The following BLNK variants were observed in gnomAD, a reference collection of about 807,000 sequenced individuals.
BLNK encodes the protein B-cell linker protein.
Under a neutral mutation model 73.5 loss-of-function variants are expected in BLNK, and 29 were observed. That is an observed-to-expected ratio of 0.39 (90% CI 0.29 to 0.54). The LOEUF (loss-of-function observed/expected upper bound fraction) is 0.54. BLNK is among the 20% of genes least tolerant of loss of function. BLNK has a pLI of 0.61. For synonymous variants in BLNK, 176 were observed against 200.8 expected (o/e 0.88, Z 1.04); for missense variants, 460 against 562.8 (o/e 0.82, Z 1.85).
chr10:96,215,220 A>AT, intron 8 of BLNK, 101 bp downstream of exon 8: 1 of 1,304,480 alleles, frequency 7.7e-7, no homozygotes. Context: ...TGTTCCCAAT[A>AT]TTAAGACATT....
intron 8 of BLNK, among the ~76,000 whole-genome samples, chr10:96,213,564 C>T (rs909045635): frequency 1.5e-4 from 23 of 152,042 alleles, no homozygotes; most frequent in African/African-American, 4.8e-4. Context: ...AAGCAAGACC[C>T]GTGACATACA....
intron 1 of BLNK, among the ~76,000 whole-genome samples, chr10:96,252,666 A>G (rs1554909527): frequency 6.6e-6 from 1 of 152,154 alleles, no homozygotes; most frequent in Non-Finnish European, 1.5e-5. Flanking sequence ...AATTTATTTT[A>G]TAGTCATGTA....
chr10:96,246,927 T>C, intron 2 of BLNK, 57 bp downstream of exon 2: 1 of 1,329,796 alleles, frequency 7.5e-7, no homozygotes, highest in Non-Finnish European at 1.1e-6. Flanking sequence ...TTTTCTTCCA[T>C]GTAGCACATG....
At chr10:96,194,669 A>G (rs1259556852) in intron 16 of BLNK, among the ~76,000 whole-genome samples, 1 of 152,160 alleles carries the variant, frequency 6.6e-6, no homozygotes, top group Non-Finnish European at 1.5e-5. Context: ...AAATAACCTG[A>G]TTATAAAATG....
intron 6 of BLNK, among the ~76,000 whole-genome samples, chr10:96,222,296 T>C (rs2084215678): frequency 6.6e-6 from 1 of 152,194 alleles, no homozygotes; most frequent in Non-Finnish European, 1.5e-5. Context: ...CCTGCTGGGC[T>C]GCAAATTTTA....
intron 8 of BLNK, among the ~76,000 whole-genome samples, chr10:96,214,435 C>A (rs1286331272): frequency 6.6e-6 from 1 of 151,996 alleles, no homozygotes; most frequent in Non-Finnish European, 1.5e-5. Context: ...CAGTCCTTGT[C>A]GCTGAGGAGA....
At chr10:96,265,922 A>T (rs889738280) in intron 1 of BLNK, among the ~76,000 whole-genome samples, 3 of 152,210 alleles carry the variant, frequency 2.0e-5, no homozygotes, top group Admixed American at 6.5e-5. Context: ...CCCAGTTGTG[A>T]CAACCAAATG....
intron 5 of BLNK, 26 bp downstream of exon 5, chr10:96,227,384 G>T (rs377709909): frequency 3.8e-5 from 61 of 1,610,172 alleles, no homozygotes; most frequent in Non-Finnish European, 4.7e-5. Context: ...GGAAGGCCGA[G>T]TGCCCAGGTC....
Position 96,191,782 on chromosome 10 carries a change from G to T in BLNK, c.*191C>A. Reference sequence around the variant, plus strand: ...TCACCAGATATTAACAGTTCATCAGGTCAGGCAATAGAACAAGTCCACATG... The same window carrying T: ...TCACCAGATATTAACAGTTCATCAGTTCAGGCAATAGAACAAGTCCACATG... On this transcript the variant is annotated 3_prime_UTR_variant, in exon 17 of 17. Transcript: ENST00000224337. The T allele has an allele frequency of 1.5e-6, 1 of 652,264 alleles. No individual in the cohort carries two copies. 40.4% of individuals were successfully genotyped at this position (652,264 alleles called of 1,614,324 possible). A position where few individuals can be genotyped will look rare whatever the true frequency, so the allele number is the denominator to read the frequency against.
At chr10:96,215,171 G>A (rs782339069) in intron 8 of BLNK, 150 bp downstream of exon 8, 78 of 871,488 alleles carry the variant, frequency 9.0e-5, no homozygotes, top group Non-Finnish European at 1.2e-4. Context: ...TTCCACACAC[G>A]TGCCACCAGA....
rs1169348456 is a variant in BLNK at position 96,271,562 on chromosome 10, G to A, written c.-164C>T. On this transcript the variant is annotated 5_prime_UTR_variant, in exon 1 of 17. Transcript: ENST00000224337. ...CTGCTGGCAAACACCCCTGCTCTAG[G>A]GAGAAGTAAAACTTGCCCGAGCACA... 2.8e-6 allele frequency: 2 copies of A among 708,284 alleles called. No individual in the cohort carries two copies. The highest frequency in any genetic ancestry group is 1.8e-5 in the African/African-American group (1 of 56,426). The allele number at this position is 708,284 out of a possible 1,614,324, so 43.9% of individuals were successfully genotyped here.
intron 3 of BLNK, among the ~76,000 whole-genome samples, chr10:96,235,794 G>A (rs1554904967): frequency 6.6e-6 from 1 of 152,150 alleles, no homozygotes; most frequent in Non-Finnish European, 1.5e-5. Context: ...AGGGGCTTAT[G>A]TGTCAGCCCC....
intron 3 of BLNK, chr10:96,239,112 A>C (rs1842798555): frequency 5.0e-6 from 2 of 398,510 alleles, no homozygotes; most frequent in Non-Finnish European, 8.8e-6. Context: ...GGAGAGATTA[A>C]ATGTTCTGAC....
At chr10:96,265,695 C>G (rs1364418436) in intron 1 of BLNK, among the ~76,000 whole-genome samples, 8 of 152,208 alleles carry the variant, frequency 5.3e-5, no homozygotes, top group Non-Finnish European at 8.8e-5. Flanking sequence ...ATTGCCTATT[C>G]TGAACTTTAA....
rs1554893568 is a variant in BLNK at position 96,192,034 on chromosome 10, A to G, written c.1310T>C (p.Ile437Thr). The G allele has an allele frequency of 2.5e-6, 4 of 1,613,786 alleles. No individual in the cohort carries two copies. Among genetic ancestry groups the G allele is most frequent in the Non-Finnish European group, 1.7e-6 (2 of 1,179,784 alleles). ...ATCTTTTGTGTTATTCTGACTGTCAATAAGAACCAAAGGACTATGTTGATG... is the reference window on the plus strand; with the variant it reads ...ATCTTTTGTGTTATTCTGACTGTCAGTAAGAACCAAAGGACTATGTTGATG... Reference protein sequence around the residue: ...RNHQHSPLVLIDSQNNTKDST... With the variant: ...RNHQHSPLVLTDSQNNTKDST... The change falls in exon 17 of 17, where the codon ATT becomes ACT. Residue 437 changes from isoleucine to threonine, a missense_variant. Coordinates refer to ENST00000224337, the MANE Select transcript of BLNK (RefSeq NM_013314.4).
chr10:96,229,455 G>A (rs1842410737), intron 4 of BLNK, among the ~76,000 whole-genome samples: 1 of 152,174 alleles, frequency 6.6e-6, no homozygotes, highest in South Asian at 2.1e-4. Flanking sequence ...GTGAGTGAAT[G>A]CTTACTCAGT....
intron 3 of BLNK, among the ~76,000 whole-genome samples, chr10:96,241,298 G>A (rs968234163): frequency 6.6e-6 from 1 of 152,218 alleles, no homozygotes; most frequent in Non-Finnish European, 1.5e-5. Flanking sequence ...CTGTAGCTCT[G>A]TGGTTTTCAC....
At chr10:96,205,904 A>G (rs1382715323) in intron 11 of BLNK, among the ~76,000 whole-genome samples, 2 of 152,128 alleles carry the variant, frequency 1.3e-5, no homozygotes, top group Non-Finnish European at 2.9e-5. Flanking sequence ...CTTACTTCCT[A>G]CAGATGCTCA....
Position 96,191,752 on chromosome 10 carries a change from C to T in BLNK, c.*221G>A, listed in dbSNP as rs2083332933. Reference sequence around the variant, plus strand: ...GGAAAATATTAGTAGCATGATAACTCAACCTCACCAGATATTAACAGTTCA... The same window carrying T: ...GGAAAATATTAGTAGCATGATAACTTAACCTCACCAGATATTAACAGTTCA... On this transcript the variant is annotated 3_prime_UTR_variant, in exon 17 of 17. Transcript: ENST00000224337. 2 of 502,672 alleles carry T rather than the reference C, an allele frequency of 4.0e-6. No homozygotes were observed. The highest frequency in any genetic ancestry group is 1.9e-5 in the African/African-American group (1 of 51,620). 31.1% of individuals were successfully genotyped at this position (502,672 alleles called of 1,614,324 possible).
Sources: allele counts gnomAD v4.1 joint callset (sites outside exome capture counted in the v4.1 genomes callset), GRCh38; gene constraint gnomAD v4.1.1; transcripts MANE v1.5; gene names NCBI Gene and HGNC (gene_info 2026-07-23, HGNC 2026-07-21).